DYNLT2: variants seen among roughly 807,000 people sequenced by gnomAD.
The protein encoded by DYNLT2 is dynein light chain Tctex-type 2.
Under a neutral mutation model 24.3 loss-of-function variants are expected in DYNLT2, and 24 were observed. The ratio of observed to expected loss-of-function variants is 0.99; its 90% CI spans 0.71 to 1.39. The LOEUF is 1.39. DYNLT2 is among the 40% of genes most tolerant of loss of function. The pLI is 0.00. For synonymous variants in DYNLT2, 85 were observed against 85.4 expected (o/e 1.00, Z 0.03); for missense variants, 246 against 234.5 (o/e 1.05, Z -0.32).
chr6:169,738,057 G>A (rs575580562), downstream of DYNLT2, among the ~76,000 whole-genome samples: 144 of 152,296 alleles, frequency 9.5e-4, 1 homozygote, highest in African/African-American at 3.3e-3. Flanking sequence ...ATGGGTCAGA[G>A]TTAGACCTGA....
intron 1 of DYNLT2, chr6:169,750,112 C>G (rs1345072909): frequency 5.9e-5 from 9 of 152,184 alleles, no homozygotes; most frequent in African/African-American, 2.2e-4. Flanking sequence ...AGATTTTAAC[C>G]TATATACCAG....
chr6:169,742,109 C>A (rs546821917), intron 3 of DYNLT2, among the ~76,000 whole-genome samples: 81 of 152,360 alleles, frequency 5.3e-4, no homozygotes, highest in Non-Finnish European at 1.1e-3. Flanking sequence ...CATAATTACA[C>A]AGCCTAGTGA....
rs780475513 is a variant in DYNLT2 at position 169,743,135 on chromosome 6, C to A, written c.431G>T (p.Arg144Leu). Residue 144 changes from arginine to leucine, a missense_variant, in exon 3 of 4, where the codon CGT becomes CTT. Transcript: ENST00000366774. ...LLAVKEFGYH[R>L]YKFIIKVLFI... Reference sequence around the variant, plus strand: ...TAATACTTTTATAATGAACTTATAACGGTGGTACCCAAATTCTTTGACTGC... The same window carrying A: ...TAATACTTTTATAATGAACTTATAAAGGTGGTACCCAAATTCTTTGACTGC... 1 of 1,579,692 alleles carries A rather than the reference C, an allele frequency of 6.3e-7. No homozygotes were observed. The highest frequency in any genetic ancestry group is 1.3e-5 in the African/African-American group (1 of 74,416).
the DYNLT2 span, among the ~76,000 whole-genome samples, chr6:169,728,502 C>T: frequency 5.3e-5 from 8 of 152,272 alleles, no homozygotes; most frequent in African/African-American, 9.6e-5. Flanking sequence ...CCTAGCTTGG[C>T]ATGGTAGAAC....
intron 3 of DYNLT2, among the ~76,000 whole-genome samples, chr6:169,742,262 AC>A (rs1789694952): frequency 6.6e-6 from 1 of 152,194 alleles, no homozygotes; most frequent in African/African-American, 2.4e-5. Context: ...TTTTATCATC[AC>A]CATTTTATAG....
At chr6:169,746,819 G>GA (rs1232518742) in intron 1 of DYNLT2, among the ~76,000 whole-genome samples, 1 of 151,882 alleles carries the variant, frequency 6.6e-6, no homozygotes, top group African/African-American at 2.4e-5. Context: ...GTATTTTAGT[G>GA]AACCTGTGCT....
At chr6:169,751,176 G>T in intron 1 of DYNLT2, 163 bp downstream of exon 1, 1 of 1,124,836 alleles carries the variant, frequency 8.9e-7, no homozygotes, top group Non-Finnish European at 1.3e-6. Flanking sequence ...GCCCAACTCA[G>T]TCTCAGGCTT....
At chr6:169,742,750 C>T (rs1258040092) in intron 3 of DYNLT2, among the ~76,000 whole-genome samples, 1 of 152,060 alleles carries the variant, frequency 6.6e-6, no homozygotes, top group Non-Finnish European at 1.5e-5. Flanking sequence ...AGGCACCCAC[C>T]ACCATGCCCA....
At chr6:169,741,551 T>C (rs1245837289) in intron 3 of DYNLT2, among the ~76,000 whole-genome samples, 3 of 152,216 alleles carry the variant, frequency 2.0e-5, no homozygotes, top group Admixed American at 6.5e-5. Context: ...TACTCAGTTC[T>C]GGGGTGGTTT....
rs777457174 is a variant in DYNLT2, at chr6:169,751,426, G to A, written c.33C>T (p.Ser11=). The change falls in exon 1 of 4, where the codon AGC becomes AGT. Residue 11 remains serine, a synonymous_variant. Coordinates refer to ENST00000366774, the MANE Select transcript of DYNLT2 (RefSeq NM_174910.3). MEKRGRGVKS[S]PIQTPNQTPQ... is the part of the protein sequence containing the mutation. ...GGGTCTGGTTCGGGGTCTGGATGGG[G>A]CTCGACTTCACGCCTCGGCCTCGCT... 1 of 1,614,134 alleles carries A rather than the reference G, an allele frequency of 6.2e-7. No homozygotes were observed. Among genetic ancestry groups the A allele is most frequent in the South Asian group, 1.1e-5 (1 of 91,086 alleles).
At chr6:169,732,954 C>T in the DYNLT2 span, among the ~76,000 whole-genome samples, 49 of 152,234 alleles carry the variant, frequency 3.2e-4, no homozygotes, top group African/African-American at 9.6e-4. Flanking sequence ...CCATTGTTTT[C>T]GGACTTTTTA....
intron 1 of DYNLT2, among the ~76,000 whole-genome samples, chr6:169,747,444 A>C (rs1231383140): frequency 1.3e-5 from 2 of 152,192 alleles, no homozygotes; most frequent in Admixed American, 1.3e-4. Context: ...TAAGAACGTT[A>C]GGCAACTTTA....
the DYNLT2 span, among the ~76,000 whole-genome samples, chr6:169,735,033 A>G: frequency 6.6e-6 from 1 of 152,192 alleles, no homozygotes; most frequent in Non-Finnish European, 1.5e-5. Context: ...GTATGCATCC[A>G]GGAATTTATC....
intron 1 of DYNLT2, among the ~76,000 whole-genome samples, chr6:169,746,075 C>A (rs1255051890): frequency 6.6e-6 from 1 of 152,188 alleles, no homozygotes; most frequent in East Asian, 1.9e-4. Flanking sequence ...TCATAATATT[C>A]TTTCATTATA....
At chr6:169,734,294 G>T in the DYNLT2 span, among the ~76,000 whole-genome samples, 2 of 152,062 alleles carry the variant, frequency 1.3e-5, no homozygotes, top group African/African-American at 4.8e-5. Flanking sequence ...TTGCCTGATT[G>T]CCCTGGCCAG....
chr6:169,745,351 C>G (rs1285591952), intron 1 of DYNLT2, among the ~76,000 whole-genome samples: 3 of 152,142 alleles, frequency 2.0e-5, no homozygotes, highest in Non-Finnish European at 4.4e-5. Context: ...ATCCACCTGC[C>G]TTGGCCTCCC....
At position 169,740,133 on chromosome 6, in the gene DYNLT2, C is replaced by T. The variant is rs750371781; in HGVS notation, c.*52G>A. On this transcript the variant is annotated 3_prime_UTR_variant, in exon 4 of 4. Coordinates refer to ENST00000366774, the MANE Select transcript of DYNLT2 (RefSeq NM_174910.3). Reference sequence around the variant, plus strand: ...ATGAGGTTTACAAATATGTAAATTTCATTTATTTTTGAAAAGTTCGGAAGT... The same window carrying T: ...ATGAGGTTTACAAATATGTAAATTTTATTTATTTTTGAAAAGTTCGGAAGT... 21 of 1,183,480 alleles carry T rather than the reference C, an allele frequency of 1.8e-5. No individual in the cohort carries two copies. The highest frequency in any genetic ancestry group is 2.5e-5 in the Non-Finnish European group (20 of 799,564). The allele number at this position is 1,183,480 out of a possible 1,614,324, so 73.3% of individuals were successfully genotyped here.
intron 1 of DYNLT2, 32 bp downstream of exon 1, chr6:169,751,307 C>A (rs1191334537): frequency 3.1e-6 from 5 of 1,602,578 alleles, no homozygotes; most frequent in African/African-American, 1.3e-5. Context: ...CGGACATAGC[C>A]GTCTCGGGCC....
chr6:169,735,792 A>G (rs1265309725), downstream of DYNLT2, among the ~76,000 whole-genome samples: 1 of 152,236 alleles, frequency 6.6e-6, no homozygotes, highest in African/African-American at 2.4e-5. Context: ...GTAGACGTCT[A>G]CTAGGTCCAC....
Sources: allele counts gnomAD v4.1 joint callset (sites outside exome capture counted in the v4.1 genomes callset), GRCh38; gene constraint gnomAD v4.1.1; transcripts MANE v1.5; gene names NCBI Gene and HGNC (gene_info 2026-07-23, HGNC 2026-07-21).